Variants in RCAN2 observed in about 807,000 individuals in gnomAD.
RCAN2 encodes the protein regulator of calcineurin 2.
Under a neutral mutation model 23.6 loss-of-function variants are expected in RCAN2, and 9 were observed. That is an observed-to-expected ratio of 0.38 (90% CI 0.23 to 0.67). The LOEUF (loss-of-function observed/expected upper bound fraction) is 0.67, where lower values mean the gene tolerates loss of function less well. Ranked by LOEUF, RCAN2 falls within the 30% of genes least tolerant of loss-of-function variation. RCAN2 has a pLI of 0.51. For synonymous variants in RCAN2, 109 were observed against 115.7 expected (o/e 0.94, Z 0.37); for missense variants, 273 against 302.3 (o/e 0.90, Z 0.72).
chr6:46,368,987 T>G (rs1321181977), intron 2 of RCAN2, among the ~76,000 whole-genome samples: 2 of 152,236 alleles, frequency 1.3e-5, no homozygotes, highest in Admixed American at 1.3e-4. Context: ...ACTCTTAGCT[T>G]AGAACACACA....
chr6:46,482,017 G>A lies in RCAN2; in HGVS notation c.-3+9156C>T, dbSNP rs553822908. ...GAAGAGGCATAATTTTGATACTTTG[G>A]AAAATCACTCAAAGGACTGGCTGAT... On this transcript the variant is annotated intron_variant, in intron 1 of 4. Coordinates refer to ENST00000371374, the MANE Select transcript of RCAN2 (RefSeq NM_001251974.2). Among the ~76,000 whole-genome samples, 60 of 152,046 alleles carry A rather than the reference G, an allele frequency of 3.9e-4. No homozygotes were observed. The South Asian group carries it at 0.012, about 31-fold the overall frequency.
rs1346373255 is a variant in RCAN2 at position 46,260,293 on chromosome 6, T to C, written c.226-11397A>G. ...AAGACAAAAAATATATTTCTTATTA[T>C]ATTCAAAATATTATACTCTTAGCTG... On this transcript the variant is annotated intron_variant, in intron 2 of 4. Transcript: ENST00000371374. 7.2e-5 allele frequency among the ~76,000 whole-genome samples: 11 copies of C among 152,172 alleles called. 1 individual carries two copies. Among genetic ancestry groups the C allele is most frequent in the Non-Finnish European group, 1.6e-4 (11 of 68,032 alleles).
At chr6:46,312,817 A>G (rs1186091149) in intron 2 of RCAN2, among the ~76,000 whole-genome samples, 2 of 152,142 alleles carry the variant, frequency 1.3e-5, no homozygotes, top group African/African-American at 4.8e-5. Flanking sequence ...CCGCCTCCTC[A>G]TCTGTTAATA....
chr6:46,230,848 T>C (rs193301347), intron 4 of RCAN2, among the ~76,000 whole-genome samples: 36 of 152,342 alleles, frequency 2.4e-4, no homozygotes, highest in Admixed American at 2.0e-3. Context: ...TCACTCACGC[T>C]GGGAGCTGTA....
chr6:46,243,782 C>T (rs1480265194), intron 4 of RCAN2, among the ~76,000 whole-genome samples: 1 of 123,200 alleles, frequency 8.1e-6, no homozygotes, highest in African/African-American at 3.2e-5. Flanking sequence ...TGCACTCCAG[C>T]CTGGGTGACA....
rs1048751068 is a variant in RCAN2, at chr6:46,458,052, G to A, written c.-2-1074C>T. Among the ~76,000 whole-genome samples, 4 of 152,286 alleles carry A rather than the reference G, an allele frequency of 2.6e-5. No individual in the cohort carries two copies. The Middle Eastern group carries it at 0.01, about 388-fold the overall frequency. The stretch of plus-strand genomic sequence containing the variant: ...TCAATAGTTAAGAGGCTCGGAAAGT[G>A]AAATAACTTGCTCATGGTTACGCAA... On this transcript the variant is annotated intron_variant, in intron 1 of 4. Transcript: ENST00000371374.
In RCAN2 at chr6:46,467,579, G is replaced by A. The variant is rs566703464; in HGVS notation, c.-2-10601C>T. Among the ~76,000 whole-genome samples, 5 of 152,284 alleles carry A rather than the reference G, an allele frequency of 3.3e-5. No homozygotes were observed. The South Asian group carries it at 1.0e-3, about 32-fold the overall frequency. On this transcript the variant is annotated intron_variant, in intron 1 of 4. Coordinates refer to ENST00000371374, the MANE Select transcript of RCAN2 (RefSeq NM_001251974.2). ...GGGTCTTTTTGCATGTACAGAAGGA[G>A]TACAGTGGTTAAGTGTGAACTTTGA... is the stretch of plus-strand genomic sequence containing the variant.
At chr6:46,460,711 C>T (rs1418279708) in intron 1 of RCAN2, among the ~76,000 whole-genome samples, 1 of 152,146 alleles carries the variant, frequency 6.6e-6, no homozygotes, top group Non-Finnish European at 1.5e-5. Flanking sequence ...TTGTCTTCAT[C>T]CATGTATCTA....
chr6:46,369,293 G>A (rs760765898), intron 2 of RCAN2, among the ~76,000 whole-genome samples: 14 of 152,040 alleles, frequency 9.2e-5, no homozygotes, highest in South Asian at 8.3e-4. Context: ...CTGTTTTACC[G>A]TTAACTTTTT....
At chr6:46,290,451 C>G (rs2150344611) in intron 2 of RCAN2, among the ~76,000 whole-genome samples, 1 of 152,266 alleles carries the variant, frequency 6.6e-6, no homozygotes, top group Non-Finnish European at 1.5e-5. Context: ...TTTGTCTATT[C>G]TTAGTTTATT....
chr6:46,380,102 TA>T (rs955284723), intron 2 of RCAN2, among the ~76,000 whole-genome samples: 1 of 152,214 alleles, frequency 6.6e-6, no homozygotes, highest in Admixed American at 6.5e-5. Flanking sequence ...TGCAGCCCCT[TA>T]TCTGAAGTCT....
intron 2 of RCAN2, among the ~76,000 whole-genome samples, chr6:46,393,568 T>C (rs768791344): frequency 6.6e-6 from 1 of 152,206 alleles, no homozygotes; most frequent in Non-Finnish European, 1.5e-5. Flanking sequence ...AACAGCAGAA[T>C]AGATTATTTG....
chr6:46,248,829 C>G lies in RCAN2; in HGVS notation c.293G>C (p.Arg98Thr). The G allele has an allele frequency of 5.0e-6, 8 of 1,613,102 alleles. No individual in the cohort carries two copies. Among genetic ancestry groups the G allele is most frequent in the Non-Finnish European group, 6.8e-6 (8 of 1,179,722 alleles). The stretch of plus-strand genomic sequence containing the variant: ...ATTGCTGAAGTTTATACGGACACGT[C>G]TGAAACTCTTAAATAGCTGGAACGT... The part of the protein sequence containing the change: ...CVTFQLFKSF[R>T]RVRINFSNPK... The change falls in exon 3 of 5, where the codon AGA (arginine) becomes ACA (threonine). Residue 98 changes from arginine (R) to threonine (T), a missense_variant. By Grantham distance (71) the Arg-to-Thr change is moderately conservative (BLOSUM62 -1). Transcript: ENST00000371374.
At chr6:46,331,500 T>G (rs1763972559) in intron 2 of RCAN2, among the ~76,000 whole-genome samples, 1 of 152,234 alleles carries the variant, frequency 6.6e-6, no homozygotes, top group Non-Finnish European at 1.5e-5. Flanking sequence ...CTTTAGCTAG[T>G]GGGAGTTTAA....
At chr6:46,292,860 T>C (rs925064821) in intron 2 of RCAN2, among the ~76,000 whole-genome samples, 1 of 152,208 alleles carries the variant, frequency 6.6e-6, no homozygotes, top group Non-Finnish European at 1.5e-5. Flanking sequence ...CTCCTAACGC[T>C]ATCCCTCCCC....
At chr6:46,372,843 T>C (rs569155930) in intron 2 of RCAN2, among the ~76,000 whole-genome samples, 41 of 152,220 alleles carry the variant, frequency 2.7e-4, no homozygotes, top group Non-Finnish European at 4.1e-4. Flanking sequence ...ATAAGGAAAA[T>C]AGTATTCTCC....
chr6:46,460,069 A>G (rs1768165417), intron 1 of RCAN2, among the ~76,000 whole-genome samples: 1 of 150,254 alleles, frequency 6.7e-6, no homozygotes, highest in Non-Finnish European at 1.5e-5. Context: ...TTTTTTTTCC[A>G]CTTTTTCAGA....
chr6:46,253,146 CT>C (rs1282351410), intron 2 of RCAN2, among the ~76,000 whole-genome samples: 2 of 152,200 alleles, frequency 1.3e-5, no homozygotes, highest in Admixed American at 1.3e-4. Flanking sequence ...TTCATTAATA[CT>C]ATAGTTTGGT....
At chr6:46,375,717 G>A (rs774107834) in intron 2 of RCAN2, among the ~76,000 whole-genome samples, 2 of 152,302 alleles carry the variant, frequency 1.3e-5, no homozygotes, top group East Asian at 3.9e-4. Context: ...TCTGTCGAAC[G>A]ATTCAACTTT....
Sources: gnomAD v4.1 joint callset for allele counts (sites outside exome capture counted in the v4.1 genomes callset) on GRCh38, gnomAD v4.1.1 for gene constraint, MANE v1.5 for transcripts, NCBI Gene and HGNC (gene_info 2026-07-23, HGNC 2026-07-21) for gene names.